Variants in SGTB observed in about 807,000 individuals in gnomAD.
SGTB encodes small glutamine-rich tetratricopeptide repeat-containing protein beta.
A neutral mutation model predicts 43.9 loss-of-function variants in SGTB; 19 were observed. The ratio of observed to expected loss-of-function variants is 0.43; its 90% CI spans 0.30 to 0.63. The LOEUF (loss-of-function observed/expected upper bound fraction) is 0.63, where lower values mean the gene tolerates loss of function less well. Among genes scored for constraint, SGTB ranks in the 30% least tolerant of loss-of-function variants. The probability of loss-of-function intolerance (pLI) is 0.12; values close to 1 mark genes in which losing one functional copy is unlikely to be tolerated. For synonymous variants in SGTB, 116 were observed against 117.3 expected, an observed-to-expected ratio of 0.99 and a Z score of 0.07; for missense variants, 304 against 358.9, an observed-to-expected ratio of 0.85 and a Z score of 1.24.
intron 4 of SGTB, 126 bp from the exon 5 acceptor site, chr5:65,704,504 A>G: frequency 1.6e-6 from 1 of 611,830 alleles, no homozygotes; most frequent in South Asian, 3.6e-5. Context: ...TTTCAGTCAC[A>G]CTGGAAAAAA....
intron 2 of SGTB, among the ~76,000 whole-genome samples, chr5:65,718,121 G>C (rs1758186061): frequency 6.6e-6 from 1 of 152,108 alleles, no homozygotes; most frequent in Admixed American, 6.6e-5. Flanking sequence ...TTGGGATAGA[G>C]ATTAGGGAAG....
At chr5:65,675,327 A>G (rs2150703549) in intron 8 of SGTB, among the ~76,000 whole-genome samples, 1 of 152,318 alleles carries the variant, frequency 6.6e-6, no homozygotes, top group Middle Eastern at 3.4e-3. Context: ...GGGAACCACA[A>G]TGGCCAAATA....
At chr5:65,720,478 CAT>C (rs1229361606) in intron 2 of SGTB, among the ~76,000 whole-genome samples, 2 of 152,130 alleles carry the variant, frequency 1.3e-5, no homozygotes, top group African/African-American at 4.8e-5. Context: ...ATACTTCTGA[CAT>C]ATAGTATTTG....
intron 2 of SGTB, among the ~76,000 whole-genome samples, chr5:65,718,787 A>T (rs982884290): frequency 6.6e-6 from 1 of 152,174 alleles, no homozygotes; most frequent in African/African-American, 2.4e-5. Flanking sequence ...GCCATATATA[A>T]CAAACAGCTG....
rs1757046672 is a variant in SGTB, at chr5:65,666,718, G to A, written c.*3528C>T. 6.6e-6 allele frequency: 1 copy of A among 152,102 alleles called. No homozygotes were observed. Among genetic ancestry groups the A allele is most frequent in the Admixed American group, 6.5e-5 (1 of 15,276 alleles). 9.4% of individuals were successfully genotyped at this position (152,102 alleles called of 1,614,324 possible). On this transcript the variant is annotated 3_prime_UTR_variant, in exon 11 of 11. Coordinates refer to ENST00000381007, the MANE Select transcript of SGTB (RefSeq NM_019072.3). The stretch of plus-strand genomic sequence containing the variant: ...TGGCTTGAATAGAATGGAAATGTAG[G>A]CAAGTGGACAGATAGCATCTAGATT...
At chr5:65,722,169 G>GGGCTGGGGCGGGGCC (rs1758314030), upstream of SGTB, 1 of 247,182 alleles carries the variant, frequency 4.0e-6, no homozygotes, top group Non-Finnish European at 7.6e-6. Flanking sequence ...CCAGACACGC[G>GGGCTGGGGCGGGGCC]AGCTGGGGCG....
At chr5:65,719,235 T>C (rs937528043) in intron 2 of SGTB, among the ~76,000 whole-genome samples, 1 of 152,174 alleles carries the variant, frequency 6.6e-6, no homozygotes, top group Non-Finnish European at 1.5e-5. Context: ...AGTTTCAAGA[T>C]GGGATTTATA....
intron 3 of SGTB, 23 bp from the exon 4 acceptor site, chr5:65,708,581 G>T: frequency 6.3e-7 from 1 of 1,592,538 alleles, no homozygotes; most frequent in Non-Finnish European, 8.6e-7. Flanking sequence ...AAAAATCAAT[G>T]CACTTCCCTT....
Position 65,713,625 on chromosome 5 carries a change from G to T in SGTB, c.101-561C>A, listed in dbSNP as rs1024844517. ...GAGCCACCACACCTAGCAACAACTGGATTTCTTATTCCTCACTTAAGGAAA... is the reference window on the plus strand; with the variant it reads ...GAGCCACCACACCTAGCAACAACTGTATTTCTTATTCCTCACTTAAGGAAA... On this transcript the variant is annotated intron_variant, in intron 2 of 10. Coordinates refer to ENST00000381007, the MANE Select transcript of SGTB (RefSeq NM_019072.3). Among the ~76,000 whole-genome samples, 12 of 152,050 alleles carry T rather than the reference G, an allele frequency of 7.9e-5. No homozygotes were observed. The East Asian group carries it at 2.3e-3, about 29-fold the overall frequency.
chr5:65,673,313 G>A (rs1340577721), intron 8 of SGTB, among the ~76,000 whole-genome samples: 1 of 152,184 alleles, frequency 6.6e-6, no homozygotes, highest in Non-Finnish European at 1.5e-5. Context: ...GTAGAAAAGA[G>A]GCACCATTGA....
At chr5:65,717,503 G>T (rs1758174361) in intron 2 of SGTB, among the ~76,000 whole-genome samples, 2 of 151,520 alleles carry the variant, frequency 1.3e-5, no homozygotes, top group South Asian at 4.2e-4. Flanking sequence ...CATTTAGAAA[G>T]GAACATGAAT....
chr5:65,672,599 G>A (rs1757180622), intron 8 of SGTB, among the ~76,000 whole-genome samples: 1 of 152,154 alleles, frequency 6.6e-6, no homozygotes, highest in South Asian at 2.1e-4. Context: ...ATGGTTAAGG[G>A]ATCTCCTACA....
intron 5 of SGTB, among the ~76,000 whole-genome samples, chr5:65,701,774 A>G: frequency 6.6e-6 from 1 of 151,812 alleles, no homozygotes; most frequent in East Asian, 1.9e-4. Context: ...CTGGGACTAC[A>G]GGCGCCTGCC....
intron 8 of SGTB, among the ~76,000 whole-genome samples, chr5:65,679,860 G>A (rs1169383579): frequency 4.6e-5 from 7 of 152,076 alleles, no homozygotes; most frequent in Admixed American, 1.3e-4. Context: ...ATACACATTC[G>A]TACGTATGTT....
At chr5:65,701,795 G>T (rs1391026802) in intron 5 of SGTB, among the ~76,000 whole-genome samples, 1 of 152,012 alleles carries the variant, frequency 6.6e-6, no homozygotes, top group Non-Finnish European at 1.5e-5. Flanking sequence ...ACCATGCCCG[G>T]CTAATTCCTT....
At chr5:65,713,897 C>T (rs919821351) in intron 2 of SGTB, among the ~76,000 whole-genome samples, 2 of 151,788 alleles carry the variant, frequency 1.3e-5, no homozygotes, top group African/African-American at 4.8e-5. Flanking sequence ...GGCGTGGTGG[C>T]GCACACCTAT....
intron 5 of SGTB, among the ~76,000 whole-genome samples, chr5:65,688,389 C>G (rs1301908597): frequency 6.6e-6 from 1 of 152,150 alleles, no homozygotes; most frequent in Non-Finnish European, 1.5e-5. Context: ...ACAGCAAATG[C>G]CTCAATCTCA....
At chr5:65,671,094 G>C (rs1369714002) in intron 10 of SGTB, among the ~76,000 whole-genome samples, 4 of 152,200 alleles carry the variant, frequency 2.6e-5, no homozygotes, top group Non-Finnish European at 5.9e-5. Flanking sequence ...GAACATTAAA[G>C]TATGTAACAA....
At chr5:65,720,448 T>C (rs1023037668) in intron 2 of SGTB, among the ~76,000 whole-genome samples, 1 of 152,122 alleles carries the variant, frequency 6.6e-6, no homozygotes, top group African/African-American at 2.4e-5. Context: ...GAAGAAAAAA[T>C]TGCCTATAAT....
Sources: allele counts gnomAD v4.1 joint callset (sites outside exome capture counted in the v4.1 genomes callset), GRCh38; gene constraint gnomAD v4.1.1; transcripts MANE v1.5; gene names NCBI Gene and HGNC (gene_info 2026-07-23, HGNC 2026-07-21).